FBXO31: variants seen among roughly 807,000 people sequenced by gnomAD.
FBXO31 encodes the protein F-box protein 31.
Under a neutral mutation model 54.4 loss-of-function variants are expected in FBXO31, and 24 were observed. That is an observed-to-expected ratio of 0.44 (90% CI 0.32 to 0.62). The LOEUF (loss-of-function observed/expected upper bound fraction) is 0.62. FBXO31 is among the 20% of genes least tolerant of loss of function. The pLI is 0.05. For synonymous variants in FBXO31, 388 were observed against 335.6 expected (o/e 1.16, Z -1.71); for missense variants, 665 against 787.1 (o/e 0.84, Z 1.86).
Position 87,347,268 on chromosome 16 carries a change from G to C in FBXO31, c.413-18C>G, listed in dbSNP as rs754853989. The C allele has an allele frequency of 1.2e-6, 2 of 1,612,148 alleles. No homozygotes were observed. The highest frequency in any genetic ancestry group is 2.2e-5 in the South Asian group (2 of 91,038). On this transcript the variant is annotated intron_variant, in intron 2 of 8. Transcript: ENST00000311635. Reference sequence around the variant, plus strand: ...GTGAAGCACTACAGGAGGAGAGAAAGAGCAAGTCTCTGTGTTAGACCCAGC... The same window carrying C: ...GTGAAGCACTACAGGAGGAGAGAAACAGCAAGTCTCTGTGTTAGACCCAGC...
At chr16:87,368,660 G>A (rs1345464255) in intron 1 of FBXO31, among the ~76,000 whole-genome samples, 1 of 147,954 alleles carries the variant, frequency 6.8e-6, no homozygotes, top group African/African-American at 2.5e-5. Context: ...AAGAGGAAGT[G>A]TGCTGGGTAA....
intron 5 of FBXO31, among the ~76,000 whole-genome samples, chr16:87,337,399 C>G (rs1205663923): frequency 6.6e-6 from 1 of 152,162 alleles, no homozygotes; most frequent in Non-Finnish European, 1.5e-5. Context: ...ACGCCAACCA[C>G]AAGCCCACCA....
chr16:87,356,794 A>AC (rs1338792981), intron 2 of FBXO31, among the ~76,000 whole-genome samples: 1 of 152,130 alleles, frequency 6.6e-6, no homozygotes, highest in African/African-American at 2.4e-5. Flanking sequence ...GACCATGCTG[A>AC]CCCATGGGCC....
intron 3 of FBXO31, among the ~76,000 whole-genome samples, chr16:87,344,388 C>A (rs375637942): frequency 6.6e-6 from 1 of 152,214 alleles, no homozygotes; most frequent in Non-Finnish European, 1.5e-5. Flanking sequence ...CGTGTCCGGG[C>A]GCCGATCGTG....
chr16:87,368,183 GA>G (rs1434760505), intron 1 of FBXO31, among the ~76,000 whole-genome samples: 7 of 152,188 alleles, frequency 4.6e-5, no homozygotes, highest in Non-Finnish European at 5.9e-5. Flanking sequence ...CAGTGCTAAT[GA>G]ATACAACAAT....
chr16:87,369,378 G>GC, intron 1 of FBXO31, among the ~76,000 whole-genome samples: 1 of 152,198 alleles, frequency 6.6e-6, no homozygotes, highest in South Asian at 2.1e-4. Flanking sequence ...CCACCATTCT[G>GC]CCTTCTGTCT....
chr16:87,336,424 G>A lies in FBXO31; in HGVS notation c.733-160C>T, dbSNP rs908139842. Among the ~76,000 whole-genome samples the A allele has an allele frequency of 6.6e-6, 1 of 152,210 alleles. No homozygotes were observed. Among genetic ancestry groups the A allele is most frequent in the African/African-American group, 2.4e-5 (1 of 41,456 alleles). On this transcript the variant is annotated intron_variant, in intron 5 of 8. Transcript: ENST00000311635. This position sits in a 1 kb window ranked among gnomAD's most constrained non-coding sequence, Gnocchi z 6.5. ...GAGGATGGACTTGGCGCTGGGAAGA[G>A]AAAGGGGAGCTGCCGGATTTGACCC... is the stretch of plus-strand genomic sequence containing the variant.
Position 87,358,020 on chromosome 16 carries a change from T to C in FBXO31, c.412+2275A>G, listed in dbSNP as rs1905972304. Among the ~76,000 whole-genome samples, 1 of 152,194 alleles carries C rather than the reference T, an allele frequency of 6.6e-6. No individual in the cohort carries two copies. The highest frequency in any genetic ancestry group is 2.4e-5 in the African/African-American group (1 of 41,444). On this transcript the variant is annotated intron_variant, in intron 2 of 8. Coordinates refer to ENST00000311635, the MANE Select transcript of FBXO31 (RefSeq NM_024735.5). This position sits in a 1 kb window ranked among gnomAD's most constrained non-coding sequence, Gnocchi z 4.0. ...TAGGCTATTAAAATGTGATTAAAACTAATAAAGGTCAGAAGTCAAATATTC... is the reference window on the plus strand; with the variant it reads ...TAGGCTATTAAAATGTGATTAAAACCAATAAAGGTCAGAAGTCAAATATTC...
At chr16:87,364,466 C>T (rs1439566852) in intron 1 of FBXO31, among the ~76,000 whole-genome samples, 1 of 152,214 alleles carries the variant, frequency 6.6e-6, no homozygotes, top group Non-Finnish European at 1.5e-5. Context: ...CGCGCCGACT[C>T]TTCTCCATTC....
In FBXO31 at chr16:87,383,381, G is replaced by A. The variant is rs771129924; in HGVS notation, c.340+24C>T. 143 of 1,417,852 alleles carry A rather than the reference G, an allele frequency of 1.0e-4. 3 individuals are homozygous for A. The South Asian group carries it at 1.6e-3, about 16-fold the overall frequency. The allele number at this position is 1,417,852 out of a possible 1,614,324, so 87.8% of individuals were successfully genotyped here. On this transcript the variant is annotated intron_variant, in intron 1 of 8. Coordinates refer to ENST00000311635, the MANE Select transcript of FBXO31 (RefSeq NM_024735.5). The surrounding 1 kb of genome is among the most constrained non-coding windows in gnomAD (Gnocchi z 4.9). ...TGGCAGGGACCCCCCGCCCCTCCCG[G>A]CCCCGCCACCCCCGCGCGCTCACCC...
intron 4 of FBXO31, 26 bp downstream of exon 4, chr16:87,343,572 G>A (rs1204738413): frequency 2.5e-6 from 4 of 1,571,322 alleles, no homozygotes; most frequent in Non-Finnish European, 2.6e-6. Flanking sequence ...GGGACAGTGA[G>A]GACCCAGCCC....
intron 2 of FBXO31, among the ~76,000 whole-genome samples, chr16:87,354,268 T>A (rs1292502104): frequency 1.7e-4 from 26 of 151,490 alleles, no homozygotes; most frequent in Admixed American, 1.4e-3. Context: ...AGCCCAGGAG[T>A]TCCAGACTGG....
chr16:87,339,781 C>A (rs1396678445), intron 5 of FBXO31, among the ~76,000 whole-genome samples: 1 of 152,168 alleles, frequency 6.6e-6, no homozygotes, highest in Non-Finnish European at 1.5e-5. Flanking sequence ...AGAGTTCACA[C>A]AGCAAATAAA....
At chr16:87,339,832 A>C (rs1283071415) in intron 5 of FBXO31, among the ~76,000 whole-genome samples, 1 of 152,252 alleles carries the variant, frequency 6.6e-6, no homozygotes, top group African/African-American at 2.4e-5. Flanking sequence ...AGAGGAATAC[A>C]GGCAATTAAA....
upstream of FBXO31, among the ~76,000 whole-genome samples, chr16:87,385,645 A>G (rs1907303928): frequency 6.6e-6 from 1 of 152,230 alleles, no homozygotes; most frequent in South Asian, 2.1e-4. Flanking sequence ...TGAGGAAATG[A>G]CATTTATAAA....
At chr16:87,353,726 C>G (rs1905768589) in intron 2 of FBXO31, among the ~76,000 whole-genome samples, 1 of 151,760 alleles carries the variant, frequency 6.6e-6, no homozygotes, top group East Asian at 2.0e-4. Flanking sequence ...AGCAGGGCCC[C>G]AGACACCTTG....
At chr16:87,386,528 G>C (rs1907333882), upstream of FBXO31, among the ~76,000 whole-genome samples, 1 of 152,238 alleles carries the variant, frequency 6.6e-6, no homozygotes, top group African/African-American at 2.4e-5. Context: ...CGCCTCCCGG[G>C]TTCAAGCTAT....
intron 3 of FBXO31, 25 bp from the exon 4 acceptor site, chr16:87,343,790 C>G (rs1905269623): frequency 6.2e-7 from 1 of 1,612,938 alleles, no homozygotes; most frequent in Admixed American, 1.7e-5. Flanking sequence ...GGGCAAAGGT[C>G]CATGAGTGGC....
At chr16:87,360,848 G>T (rs944733524) in intron 1 of FBXO31, among the ~76,000 whole-genome samples, 8 of 152,160 alleles carry the variant, frequency 5.3e-5, no homozygotes, top group African/African-American at 1.7e-4. Context: ...GCAAGACATG[G>T]GGGAAGGGGT....
Sources: allele counts gnomAD v4.1 joint callset (sites outside exome capture counted in the v4.1 genomes callset), GRCh38; gene constraint gnomAD v4.1.1; non-coding constraint Gnocchi (gnomAD v3.1); transcripts MANE v1.5; gene names NCBI Gene and HGNC (gene_info 2026-07-23, HGNC 2026-07-21).